Variants in CERS3 observed in about 807,000 individuals in gnomAD.
CERS3 encodes the protein ceramide synthase 3, also known as LAG1 homolog, ceramide synthase 3.
In CERS3, 33 loss-of-function variants were observed where a neutral mutation model predicts 50.3. That is an observed-to-expected ratio of 0.66 (90% CI 0.50 to 0.88). The LOEUF (loss-of-function observed/expected upper bound fraction) is 0.88, where lower values mean the gene tolerates loss of function less well. Among genes scored for constraint, CERS3 ranks in the 40% least tolerant of loss-of-function variants. The pLI is 0.00. For synonymous variants in CERS3, 176 were observed against 155.2 expected, an observed-to-expected ratio of 1.13 and a Z score of -0.99; for missense variants, 470 against 460.3, an observed-to-expected ratio of 1.02 and a Z score of -0.19.
Position 100,417,444 on chromosome 15 carries a change from T to A in CERS3, c.1000-14579A>T, listed in dbSNP as rs903268520. 1.2e-4 allele frequency among the ~76,000 whole-genome samples: 19 copies of A among 152,128 alleles called. 1 individual carries two copies. The highest frequency in any genetic ancestry group is 3.9e-4 in the African/African-American group (16 of 41,424). On this transcript the variant is annotated intron_variant, in intron 11 of 11. Coordinates refer to ENST00000679737, the MANE Select transcript of CERS3 (RefSeq NM_001378789.1). The stretch of plus-strand genomic sequence containing the variant: ...TCTGAGGGTCCTACCCCACGGAGTC[T>A]CGCTGATTGCTAGCACAGCAGTCTG...
At chr15:100,473,438 A>G (rs1013510983) in intron 8 of CERS3, among the ~76,000 whole-genome samples, 1 of 152,252 alleles carries the variant, frequency 6.6e-6, no homozygotes, top group African/African-American at 2.4e-5. Context: ...AAGTTAGTGC[A>G]TATGAAATAA....
intron 10 of CERS3, among the ~76,000 whole-genome samples, chr15:100,468,076 T>C (rs1383056235): frequency 6.6e-6 from 1 of 151,954 alleles, no homozygotes; most frequent in Non-Finnish European, 1.5e-5. Context: ...AAAGTGATGG[T>C]AATGATTTAT....
At chr15:100,446,009 A>AC (rs567298985) in intron 11 of CERS3, among the ~76,000 whole-genome samples, 34 of 151,630 alleles carry the variant, frequency 2.2e-4, no homozygotes, top group Admixed American at 7.9e-4. Flanking sequence ...GCACCTTGTG[A>AC]CCCCCACTCC....
At chr15:100,419,652 C>A (rs2032251955) in intron 11 of CERS3, among the ~76,000 whole-genome samples, 3 of 151,422 alleles carry the variant, frequency 2.0e-5, no homozygotes, top group South Asian at 4.2e-4. Context: ...CCACACCACA[C>A]CTATTCCAAA....
rs914110091 is a variant in CERS3 at position 100,454,193 on chromosome 15, C to A, written c.999+1700G>T. Among the ~76,000 whole-genome samples the A allele has an allele frequency of 2.6e-5, 4 of 151,984 alleles. No individual in the cohort carries two copies. In the South Asian group the frequency reaches 8.3e-4, roughly 32 times the overall value. ...ATCGCTTGACCCCAAGAGTTTGAGA[C>A]CATCCTGGAAAACATAGAGACCCCA... On this transcript the variant is annotated intron_variant, in intron 11 of 11. Transcript: ENST00000679737.
chr15:100,408,249 C>T (rs1189637937), intron 11 of CERS3, among the ~76,000 whole-genome samples: 9 of 152,114 alleles, frequency 5.9e-5, no homozygotes, highest in Non-Finnish European at 8.8e-5. Flanking sequence ...CCATGGATAC[C>T]GAGGGAAATA....
At chr15:100,415,969 A>C (rs1048404312) in intron 11 of CERS3, among the ~76,000 whole-genome samples, 5 of 147,040 alleles carry the variant, frequency 3.4e-5, no homozygotes, top group Admixed American at 6.8e-5. Flanking sequence ...CAAAAACACC[A>C]CTGGAAAAAA....
chr15:100,492,596 TAAAC>T (rs2035687133), intron 3 of CERS3, among the ~76,000 whole-genome samples: 1 of 152,234 alleles, frequency 6.6e-6, no homozygotes, highest in African/African-American at 2.4e-5. Context: ...TTTGTGTCTT[TAAAC>T]AAACAGGTGT....
chr15:100,415,226 C>A (rs1397505328), intron 11 of CERS3, among the ~76,000 whole-genome samples: 1 of 152,158 alleles, frequency 6.6e-6, no homozygotes, highest in Non-Finnish European at 1.5e-5. Flanking sequence ...CAATGAGATA[C>A]CATCTCACAC....
chr15:100,402,110 T>C lies in CERS3; in HGVS notation c.*603A>G, dbSNP rs1342724840. 1 of 152,352 alleles carries C rather than the reference T, an allele frequency of 6.6e-6. No individual in the cohort carries two copies. The highest frequency in any genetic ancestry group is 1.5e-5 in the Non-Finnish European group (1 of 68,174). 9.4% of individuals were successfully genotyped at this position (152,352 alleles called of 1,614,324 possible). ...CAGTGCAAAGTGGGTTGGTTCACGATGACCCCACGGTTGACAGTGTGTACT... is the reference window on the plus strand; with the variant it reads ...CAGTGCAAAGTGGGTTGGTTCACGACGACCCCACGGTTGACAGTGTGTACT... On this transcript the variant is annotated 3_prime_UTR_variant, in exon 12 of 12. Transcript: ENST00000679737.
intron 1 of CERS3, among the ~76,000 whole-genome samples, chr15:100,536,014 A>G (rs2037065745): frequency 1.3e-5 from 1 of 77,582 alleles, no homozygotes; most frequent in African/African-American, 5.9e-5. Flanking sequence ...CCCTGTGCTC[A>G]TATGTGCACG....
intron 1 of CERS3, among the ~76,000 whole-genome samples, chr15:100,543,533 CTT>C (rs61663663): frequency 0.43 from 59,374 of 139,458 alleles, 11,818 homozygotes; most frequent in Non-Finnish European, 0.47. Flanking sequence ...TCCTTTCTTT[CTT>C]TTTTTTTTTT....
chr15:100,475,977 A>G, intron 8 of CERS3, 109 bp downstream of exon 8: 1 of 619,392 alleles, frequency 1.6e-6, no homozygotes, highest in Non-Finnish European at 2.7e-6. Context: ...AAAGCAATGA[A>G]CTGGACCCAA....
At chr15:100,540,191 T>C (rs1171615695) in intron 1 of CERS3, among the ~76,000 whole-genome samples, 2 of 152,198 alleles carry the variant, frequency 1.3e-5, no homozygotes, top group South Asian at 4.1e-4. Flanking sequence ...TCAGGCCCCA[T>C]CTGTGATCCC....
upstream of CERS3, among the ~76,000 whole-genome samples, chr15:100,532,151 G>C (rs543218973): frequency 1.8e-4 from 27 of 152,316 alleles, no homozygotes; most frequent in South Asian, 5.2e-3. Context: ...CTAGCCAAGG[G>C]CAGAGGTCCC....
At chr15:100,409,345 T>C (rs1162825473) in intron 11 of CERS3, among the ~76,000 whole-genome samples, 2 of 152,192 alleles carry the variant, frequency 1.3e-5, no homozygotes, top group African/African-American at 4.8e-5. Context: ...ATGAGATGGA[T>C]TTGGCAACCT....
intron 11 of CERS3, among the ~76,000 whole-genome samples, chr15:100,417,345 C>T (rs1167989392): frequency 6.6e-6 from 1 of 152,118 alleles, no homozygotes; most frequent in Non-Finnish European, 1.5e-5. Flanking sequence ...AATCGGGTCA[C>T]TCCCACCCTA....
intron 10 of CERS3, among the ~76,000 whole-genome samples, chr15:100,460,463 TA>T: frequency 6.6e-6 from 1 of 152,332 alleles, no homozygotes; most frequent in Admixed American, 6.5e-5. Context: ...ATGATACATG[TA>T]AAAACCTACT....
At chr15:100,478,910 A>G (rs1227542265) in intron 7 of CERS3, among the ~76,000 whole-genome samples, 2 of 152,156 alleles carry the variant, frequency 1.3e-5, no homozygotes, top group African/African-American at 2.4e-5. Flanking sequence ...AATAGCAATG[A>G]CTTCTAAGGT....
Sources: gnomAD v4.1 joint callset for allele counts (sites outside exome capture counted in the v4.1 genomes callset) on GRCh38, gnomAD v4.1.1 for gene constraint, MANE v1.5 for transcripts, NCBI Gene and HGNC (gene_info 2026-07-23, HGNC 2026-07-21) for gene names.